The following PRDM16 variants were observed in gnomAD, a reference collection of about 807,000 sequenced individuals.
PRDM16 encodes histone-lysine N-methyltransferase PRDM16.
PRDM16 carries 23 observed loss-of-function variants against 110.6 expected under a neutral mutation model. The ratio of observed to expected loss-of-function variants is 0.21; its 90% CI spans 0.15 to 0.29. The LOEUF is 0.29. Among genes scored for constraint, PRDM16 ranks in the 10% least tolerant of loss-of-function variants. The probability of loss-of-function intolerance (pLI) is 1.00; values close to 1 mark genes in which losing one functional copy is unlikely to be tolerated. For missense variants in PRDM16, 1,615 were observed against 1,794.3 expected (o/e 0.90, Z 1.81); for synonymous variants, 799 against 781.8 (o/e 1.02, Z -0.37).
At chr1:3,294,894 A>C (rs4648377) in intron 3 of PRDM16, among the ~76,000 whole-genome samples, 103,570 of 152,126 alleles carry the variant, frequency 0.68, 37,349 homozygotes, top group East Asian at 0.99. Context: ...GCCTTAAGAA[A>C]CACAGACCCA....
At chr1:3,415,768 C>T (rs1638232869) in intron 10 of PRDM16, among the ~76,000 whole-genome samples, 1 of 152,220 alleles carries the variant, frequency 6.6e-6, no homozygotes, top group Non-Finnish European at 1.5e-5. Flanking sequence ...CTGCCTGTCC[C>T]TGCAGCCCGG....
At chr1:3,121,727 GA>G (rs1643098309) in intron 1 of PRDM16, among the ~76,000 whole-genome samples, 1 of 152,244 alleles carries the variant, frequency 6.6e-6, no homozygotes, top group South Asian at 2.1e-4. Context: ...AGCCTTGGGG[GA>G]CAGCGGCCCT....
At position 3,244,553 on chromosome 1, in the gene PRDM16, T is replaced by C. The variant is rs1220400272; in HGVS notation, c.438+416T>C. On this transcript the variant is annotated intron_variant, in intron 3 of 16. Transcript: ENST00000270722. The surrounding 1 kb of genome is among the most constrained non-coding windows in gnomAD (Gnocchi z 4.1). ...GCTGCAGATTCAACAAAGCCTTTGCTGCACTCGTAGCTTCCAAAGAAGCAT... is the reference window on the plus strand; with the variant it reads ...GCTGCAGATTCAACAAAGCCTTTGCCGCACTCGTAGCTTCCAAAGAAGCAT... 6.6e-6 allele frequency among the ~76,000 whole-genome samples: 1 copy of C among 152,202 alleles called. No individual in the cohort carries two copies. Among genetic ancestry groups the C allele is most frequent in the Non-Finnish European group, 1.5e-5 (1 of 68,028 alleles).
chr1:3,412,727 C>G lies in PRDM16; in HGVS notation c.2530C>G (p.Pro844Ala). The change falls in exon 9 of 17, where the codon CCG becomes GCG. Residue 844 changes from proline to alanine, a missense_variant. Physicochemically the swap from Pro to Ala is conservative, Grantham distance 27 (BLOSUM62 -1). Transcript: ENST00000270722. ...GAGEGLPQVC[P>A]ARMPQQPPLH... is the part of the protein sequence containing the mutation. ...CGGCGAGGGGCTGCCCCAGGTGTGC[C>G]CGGCGCGGATGCCCCAGCAGCCCCC... is the stretch of plus-strand genomic sequence containing the variant. 1 of 1,507,178 alleles carries G rather than the reference C, an allele frequency of 6.6e-7. No homozygotes were observed. Among genetic ancestry groups the G allele is most frequent in the South Asian group, 1.3e-5 (1 of 77,328 alleles). 93.4% of individuals were successfully genotyped at this position (1,507,178 alleles called of 1,614,324 possible).
At chr1:3,252,331 G>T (rs944339174) in intron 3 of PRDM16, among the ~76,000 whole-genome samples, 2 of 152,190 alleles carry the variant, frequency 1.3e-5, no homozygotes, top group Non-Finnish European at 2.9e-5. Context: ...CTGCTCCTCT[G>T]CATAACGGTG....
intron 3 of PRDM16, among the ~76,000 whole-genome samples, chr1:3,253,293 G>C (rs911267224): frequency 1.3e-5 from 2 of 151,334 alleles, no homozygotes; most frequent in Non-Finnish European, 2.9e-5. Context: ...TGCCATGCTG[G>C]TGTGCTGTAC....
rs1028743336 is a variant in PRDM16 at position 3,436,321 on chromosome 1, G to A, written c.*2510G>A. On this transcript the variant is annotated 3_prime_UTR_variant, in exon 17 of 17. Coordinates refer to ENST00000270722, the MANE Select transcript of PRDM16 (RefSeq NM_022114.4). ...AGAGCCGCCCTTACCGTTGGTCTCC[G>A]GATCCCCCAGTCCCATCCCGCCGTT... 3.9e-5 allele frequency: 9 copies of A among 231,006 alleles called. No individual in the cohort carries two copies. Among genetic ancestry groups the A allele is most frequent in the South Asian group, 1.8e-4 (1 of 5,512 alleles). The allele number at this position is 231,006 out of a possible 1,614,324, so 14.3% of individuals were successfully genotyped here.
intron 3 of PRDM16, among the ~76,000 whole-genome samples, chr1:3,375,039 C>T (rs372730365): frequency 2.3e-4 from 35 of 152,340 alleles, no homozygotes; most frequent in African/African-American, 7.5e-4. Context: ...GAGCCCACCC[C>T]GCCTGCATGT....
At chr1:3,114,451 ACACACACG>A (rs1430128847) in intron 1 of PRDM16, among the ~76,000 whole-genome samples, 8 of 137,588 alleles carry the variant, frequency 5.8e-5, no homozygotes, top group African/African-American at 2.3e-4. Flanking sequence ...ACGCACACGC[ACACACACG>A]CACACACGCA....
chr1:3,335,642 C>CACACACACACACACACACACA, intron 3 of PRDM16, among the ~76,000 whole-genome samples: 1 of 146,766 alleles, frequency 6.8e-6, no homozygotes, highest in East Asian at 2.0e-4. Flanking sequence ...CACACACACA[C>CACACACACACACACACACACA]CCTTGGACAT....
In PRDM16 at chr1:3,202,416, C is replaced by G. The variant is rs555752945; in HGVS notation, c.387+15942C>G. On this transcript the variant is annotated intron_variant, in intron 2 of 16. Transcript: ENST00000270722. ...GGGAACTTGGCTGCCCTGTGGGGCC[C>G]CTGTGCACTGGGCTTTGCTGAGAGG... Among the ~76,000 whole-genome samples, 12 of 152,186 alleles carry G rather than the reference C, an allele frequency of 7.9e-5. No individual in the cohort carries two copies. The East Asian group carries it at 2.3e-3, about 30-fold the overall frequency.
rs373162966 is a variant in PRDM16 at position 3,404,774 on chromosome 1, G to A, written c.920G>A (p.Arg307His). 17 of 1,613,446 alleles carry A rather than the reference G, an allele frequency of 1.1e-5. No homozygotes were observed. Among genetic ancestry groups the A allele is most frequent in the Admixed American group, 3.3e-5 (2 of 59,982 alleles). The change falls in exon 7 of 17, where the codon CGC becomes CAC. Residue 307 changes from arginine to histidine, a missense_variant. This residue lies in a region of PRDM16 where 416 missense variants were observed against 467.1 expected (regional missense o/e 0.89). Transcript: ENST00000270722. ...EQHMVIHTEE[R>H]EYKCDQCPKA... ...CACATGGTCATCCACACGGAGGAGC[G>A]CGAGTACAAATGCGACCAGTGTCCC...
chr1:3,295,581 G>A (rs56250186), intron 3 of PRDM16, among the ~76,000 whole-genome samples: 6,978 of 152,176 alleles, frequency 0.046, 526 homozygotes, highest in African/African-American at 0.16. Flanking sequence ...TCACCTCCCC[G>A]GGGGCCGTAA....
intron 2 of PRDM16, among the ~76,000 whole-genome samples, chr1:3,230,716 G>T (rs1639387436): frequency 6.6e-6 from 1 of 152,248 alleles, no homozygotes; most frequent in Non-Finnish European, 1.5e-5. Flanking sequence ...CCAGGATTGG[G>T]TGTTCCCAGC....
intron 2 of PRDM16, among the ~76,000 whole-genome samples, chr1:3,235,907 G>T (rs1301329214): frequency 6.6e-6 from 1 of 152,178 alleles, no homozygotes; most frequent in East Asian, 1.9e-4. Flanking sequence ...GCGGGGGAGT[G>T]GGGGTTGTGT....
intron 2 of PRDM16, among the ~76,000 whole-genome samples, chr1:3,198,023 T>G (rs1406988164): frequency 6.6e-6 from 1 of 152,180 alleles, no homozygotes; most frequent in East Asian, 1.9e-4. Context: ...ACGGGCCACC[T>G]TGGCCTCAAC....
intron 3 of PRDM16, among the ~76,000 whole-genome samples, chr1:3,283,339 GC>G (rs1329556516): frequency 6.6e-6 from 1 of 152,128 alleles, no homozygotes; most frequent in African/African-American, 2.4e-5. Flanking sequence ...GGACACAGCT[GC>G]CCCCCAACCT....
intron 3 of PRDM16, among the ~76,000 whole-genome samples, chr1:3,335,457 G>A (rs572285668): frequency 2.0e-5 from 3 of 152,276 alleles, no homozygotes; most frequent in South Asian, 2.1e-4. Context: ...TTAGCACGTC[G>A]CATGTCCGAA....
At chr1:3,266,794 G>T (rs1640305093) in intron 3 of PRDM16, among the ~76,000 whole-genome samples, 1 of 152,158 alleles carries the variant, frequency 6.6e-6, no homozygotes, top group Admixed American at 6.5e-5. Flanking sequence ...TCTTGCCTCA[G>T]CCTCCTGAGT....
Sources: gnomAD v4.1 joint callset for allele counts (sites outside exome capture counted in the v4.1 genomes callset) on GRCh38, gnomAD v4.1.1 for gene constraint, gnomAD v4.1.1 regional missense constraint, Gnocchi (gnomAD v3.1) non-coding constraint, MANE v1.5 for transcripts, NCBI Gene and HGNC (gene_info 2026-07-23, HGNC 2026-07-21) for gene names.